Variants in ANGPT1 observed in about 807,000 individuals in gnomAD.
The protein encoded by ANGPT1 is angiopoietin-1.
A neutral mutation model predicts 62.2 loss-of-function variants in ANGPT1; 17 were observed. The observed-to-expected ratio is 0.27, with a 90% CI of 0.19 to 0.41. ANGPT1 has a LOEUF of 0.41. Among genes scored for constraint, ANGPT1 ranks in the 10% least tolerant of loss-of-function variants. The pLI, the probability that ANGPT1 is intolerant of heterozygous loss-of-function variation, is 1.00. For missense variants in ANGPT1, 478 were observed against 594.9 expected (o/e 0.80, Z 2.04); for synonymous variants, 199 against 198.9 (o/e 1.00, Z 0.00).
intron 7 of ANGPT1, among the ~76,000 whole-genome samples, chr8:107,270,868 G>T (rs756323390): frequency 6.6e-6 from 1 of 152,094 alleles, no homozygotes; most frequent in Middle Eastern, 3.4e-3. Flanking sequence ...AAGAAAAGAG[G>T]ATGTGAGTAG....
chr8:107,381,417 C>T (rs1328865639), intron 1 of ANGPT1, among the ~76,000 whole-genome samples: 1 of 152,186 alleles, frequency 6.6e-6, no homozygotes, highest in African/African-American at 2.4e-5. Context: ...TCCCAAGAAC[C>T]ACTTCATGCT....
chr8:107,316,789 C>G (rs1400368462), intron 4 of ANGPT1, among the ~76,000 whole-genome samples: 1 of 152,148 alleles, frequency 6.6e-6, no homozygotes, highest in Non-Finnish European at 1.5e-5. Flanking sequence ...GCCGTTTGTA[C>G]TCTCTGGTGT....
At chr8:107,307,072 T>C (rs191061934) in intron 4 of ANGPT1, among the ~76,000 whole-genome samples, 160 of 152,214 alleles carry the variant, frequency 1.1e-3, no homozygotes, top group Admixed American at 9.1e-3. Flanking sequence ...GATCTTTATG[T>C]CTAAAATTCT....
chr8:107,436,040 C>A (rs978760386), intron 1 of ANGPT1, among the ~76,000 whole-genome samples: 6 of 152,102 alleles, frequency 3.9e-5, no homozygotes, highest in African/African-American at 1.4e-4. Context: ...GAAGCTGGGA[C>A]CACAGGAGTG....
intron 1 of ANGPT1, among the ~76,000 whole-genome samples, chr8:107,372,240 T>C (rs1031842731): frequency 6.6e-6 from 1 of 152,072 alleles, no homozygotes; most frequent in Non-Finnish European, 1.5e-5. Flanking sequence ...CTGTAACAAG[T>C]AAAACTGTCT....
In ANGPT1 at chr8:107,345,193, A is replaced by C. The variant is rs1416940199; in HGVS notation, c.453+1749T>G. Among the ~76,000 whole-genome samples the C allele has an allele frequency of 2.0e-5, 3 of 152,292 alleles. No homozygotes were observed. The East Asian group carries it at 5.8e-4, about 29-fold the overall frequency. The stretch of plus-strand genomic sequence containing the variant: ...TTGAAATGTTTTCTGGGTTTCAGCT[A>C]TCTTAAAATTGTTCTCACTGTATCT... On this transcript the variant is annotated intron_variant, in intron 2 of 8. Coordinates refer to ENST00000517746, the MANE Select transcript of ANGPT1 (RefSeq NM_001146.5).
intron 5 of ANGPT1, among the ~76,000 whole-genome samples, chr8:107,297,470 G>C (rs1342984007): frequency 1.5e-4 from 22 of 151,640 alleles, no homozygotes; most frequent in Non-Finnish European, 3.1e-4. Flanking sequence ...TCTCTTACAT[G>C]TATTACTGAT....
rs1015009311 is a variant in ANGPT1, at chr8:107,497,775, C to T, written c.-217G>A. The T allele has an allele frequency of 6.8e-6, 4 of 585,796 alleles. No homozygotes were observed. Among genetic ancestry groups the T allele is most frequent in the Admixed American group, 3.3e-5 (1 of 30,480 alleles). The allele number at this position is 585,796 out of a possible 1,614,324, so 36.3% of individuals were successfully genotyped here. ...ATTTCACTGCAATGATGTTTTTCTT[C>T]GTTAAAACTTGAGATATTTATTGCA... On this transcript the variant is annotated 5_prime_UTR_variant, in exon 1 of 9. Transcript: ENST00000517746.
At chr8:107,352,420 C>T (rs778926129) in intron 1 of ANGPT1, among the ~76,000 whole-genome samples, 1 of 152,100 alleles carries the variant, frequency 6.6e-6, no homozygotes, top group Non-Finnish European at 1.5e-5. Flanking sequence ...AAATCACATG[C>T]CCCTGTCTTT....
intron 4 of ANGPT1, 39 bp downstream of exon 4, chr8:107,321,857 A>C (rs375502938): frequency 1.3e-4 from 205 of 1,569,394 alleles, no homozygotes; most frequent in Non-Finnish European, 1.5e-4. Flanking sequence ...CAAAGGAAAT[A>C]AAATATTAAC....
intron 1 of ANGPT1, among the ~76,000 whole-genome samples, chr8:107,429,766 T>C (rs1441052418): frequency 6.6e-6 from 1 of 152,160 alleles, no homozygotes; most frequent in Non-Finnish European, 1.5e-5. Flanking sequence ...GGATCGTCAC[T>C]GTTTTTAATA....
At chr8:107,448,191 G>C (rs1366202009) in intron 1 of ANGPT1, among the ~76,000 whole-genome samples, 1 of 152,038 alleles carries the variant, frequency 6.6e-6, no homozygotes, top group East Asian at 1.9e-4. Flanking sequence ...TTACATATAA[G>C]GACTTACTTA....
intron 1 of ANGPT1, among the ~76,000 whole-genome samples, chr8:107,372,850 C>T (rs189752586): frequency 1.9e-4 from 29 of 151,416 alleles, no homozygotes; most frequent in Non-Finnish European, 3.2e-4. Context: ...AAGCAGAAGA[C>T]GTGAGCGTGA....
At chr8:107,279,914 A>G (rs1013084116) in intron 7 of ANGPT1, among the ~76,000 whole-genome samples, 1 of 152,086 alleles carries the variant, frequency 6.6e-6, no homozygotes, top group African/African-American at 2.4e-5. Flanking sequence ...CCTAAGAATG[A>G]GGGTGATGCA....
intron 4 of ANGPT1, among the ~76,000 whole-genome samples, chr8:107,305,544 T>C (rs1024665775): frequency 1.3e-5 from 2 of 151,964 alleles, no homozygotes; most frequent in Non-Finnish European, 2.9e-5. Context: ...AAGTTGGGTA[T>C]TAACTTATTT....
At chr8:107,497,170 T>C in intron 1 of ANGPT1, 92 bp downstream of exon 1, 1 of 1,416,302 alleles carries the variant, frequency 7.1e-7, no homozygotes, top group East Asian at 2.3e-5. Flanking sequence ...AAAAGGTAAA[T>C]ACACAAATGC....
chr8:107,253,476 G>C (rs1214547707), intron 8 of ANGPT1, among the ~76,000 whole-genome samples: 2 of 152,154 alleles, frequency 1.3e-5, no homozygotes, highest in Admixed American at 1.3e-4. Flanking sequence ...AATTCAACTT[G>C]ATTGATTCTG....
rs1586158424 is a variant in ANGPT1, at chr8:107,250,578, T to G, written c.*1277A>C. ...TTCATTAAGGGATATAGTAGATTTC[T>G]TTGAGCATTTGTGTTATTTGCATCA... On this transcript the variant is annotated 3_prime_UTR_variant, in exon 9 of 9. Transcript: ENST00000517746. 1 of 152,124 alleles carries G rather than the reference T, an allele frequency of 6.6e-6. No individual in the cohort carries two copies. The highest frequency in any genetic ancestry group is 2.1e-4 in the South Asian group (1 of 4,832). The allele number at this position is 152,124 out of a possible 1,614,324, so 9.4% of individuals were successfully genotyped here.
At chr8:107,402,000 G>T (rs979685432) in intron 1 of ANGPT1, among the ~76,000 whole-genome samples, 2 of 151,920 alleles carry the variant, frequency 1.3e-5, no homozygotes, top group African/African-American at 4.8e-5. Flanking sequence ...TTCCATCCTC[G>T]CCACCTCCAG....
Sources: gnomAD v4.1 joint callset for allele counts (sites outside exome capture counted in the v4.1 genomes callset) on GRCh38, gnomAD v4.1.1 for gene constraint, MANE v1.5 for transcripts, NCBI Gene and HGNC (gene_info 2026-07-23, HGNC 2026-07-21) for gene names.